Variants in NBEA observed in about 807,000 individuals in gnomAD.
NBEA encodes lysosomal-trafficking regulator 2.
Under a neutral mutation model 343.4 loss-of-function variants are expected in NBEA, and 44 were observed. The observed-to-expected ratio is 0.13, with a 90% CI of 0.10 to 0.16. The LOEUF (loss-of-function observed/expected upper bound fraction) is 0.16, where lower values mean the gene tolerates loss of function less well. Among genes scored for constraint, NBEA ranks in the 10% least tolerant of loss-of-function variants. The pLI is 1.00. For synonymous variants in NBEA, 1,175 were observed against 1,238.7 expected, an observed-to-expected ratio of 0.95 and a Z score of 1.08; for missense variants, 2,555 against 3,631.3, an observed-to-expected ratio of 0.70 and a Z score of 7.62.
chr13:35,027,059 G>A (rs1415802896), intron 1 of NBEA, among the ~76,000 whole-genome samples: 2 of 152,054 alleles, frequency 1.3e-5, no homozygotes, highest in Non-Finnish European at 2.9e-5. Flanking sequence ...ATTTATCCAG[G>A]TTGTTGTGTG....
At chr13:35,277,663 A>T (rs2034709429) in intron 34 of NBEA, among the ~76,000 whole-genome samples, 1 of 146,050 alleles carries the variant, frequency 6.8e-6, no homozygotes, top group Non-Finnish European at 1.5e-5. Flanking sequence ...GGGAAACAAC[A>T]TATGTATGCA....
chr13:35,286,245 T>C (rs1424229390), intron 34 of NBEA, among the ~76,000 whole-genome samples: 4 of 152,156 alleles, frequency 2.6e-5, no homozygotes, highest in African/African-American at 9.7e-5. Context: ...TGAATTGGGA[T>C]CTTATTCTAA....
chr13:35,310,367 G>A (rs959363186), intron 36 of NBEA, among the ~76,000 whole-genome samples: 20 of 152,180 alleles, frequency 1.3e-4, no homozygotes, highest in Admixed American at 1.2e-3. Flanking sequence ...GACTGAAACC[G>A]TTTTTATCCG....
intron 36 of NBEA, among the ~76,000 whole-genome samples, chr13:35,336,383 A>C (rs751383776): frequency 1.3e-5 from 2 of 152,118 alleles, no homozygotes; most frequent in Non-Finnish European, 1.5e-5. Flanking sequence ...TTTTTAAAAT[A>C]TGTTCCACTA....
At chr13:35,093,222 A>G (rs1213630459) in intron 10 of NBEA, among the ~76,000 whole-genome samples, 1 of 151,902 alleles carries the variant, frequency 6.6e-6, no homozygotes, top group Non-Finnish European at 1.5e-5. Flanking sequence ...AGCACAAGTG[A>G]ATTTTTTGGT....
chr13:35,583,422 C>T lies in NBEA; in HGVS notation c.7036-476C>T, dbSNP rs147117902. 3.3e-3 allele frequency among the ~76,000 whole-genome samples: 499 copies of T among 152,246 alleles called. 3 individuals are homozygous for T. Among genetic ancestry groups the T allele is most frequent in the Non-Finnish European group, 5.9e-3 (402 of 67,980 alleles). Reference sequence around the variant, plus strand: ...ATACTAACAGAATGAGACTAACATTCTATCAGGCTTCCATATGGAGGGTTG... The same window carrying T: ...ATACTAACAGAATGAGACTAACATTTTATCAGGCTTCCATATGGAGGGTTG... On this transcript the variant is annotated intron_variant, in intron 45 of 58. Transcript: ENST00000379939.
Position 35,025,498 on chromosome 13 carries a change from G to C in NBEA, c.295-15435G>C, listed in dbSNP as rs533467769. ...TTGTAGATGTGTGGCTTTATTTCTG[G>C]GTTGTCTAACCTGTTCCATTGGTCT... On this transcript the variant is annotated intron_variant, in intron 1 of 58. Coordinates refer to ENST00000379939, the MANE Select transcript of NBEA (RefSeq NM_001385012.1). Among the ~76,000 whole-genome samples the C allele has an allele frequency of 1.2e-4, 18 of 152,090 alleles. No individual in the cohort carries two copies. In the South Asian group the frequency reaches 3.7e-3, roughly 32 times the overall value.
intron 18 of NBEA, among the ~76,000 whole-genome samples, chr13:35,155,448 A>T (rs932804318): frequency 6.6e-6 from 1 of 151,900 alleles, no homozygotes; most frequent in Non-Finnish European, 1.5e-5. Context: ...ATATGGTGAA[A>T]CCCTGTCTCT....
intron 49 of NBEA, among the ~76,000 whole-genome samples, chr13:35,642,358 G>A (rs2084003564): frequency 1.3e-5 from 2 of 152,034 alleles, no homozygotes; most frequent in African/African-American, 4.8e-5. Context: ...ATAAAATAAT[G>A]GAGCTTCTAA....
intron 1 of NBEA, among the ~76,000 whole-genome samples, chr13:34,969,235 C>A (rs759503742): frequency 6.6e-6 from 1 of 151,790 alleles, no homozygotes; most frequent in Non-Finnish European, 1.5e-5. Flanking sequence ...ATTCTGAGAG[C>A]TGTCCAGTGA....
chr13:35,392,726 G>GT (rs1449677279), intron 38 of NBEA, among the ~76,000 whole-genome samples: 1 of 152,180 alleles, frequency 6.6e-6, no homozygotes, highest in Non-Finnish European at 1.5e-5. Flanking sequence ...CAAAGCTGCC[G>GT]TGAGACCTGG....
chr13:35,424,403 T>C (rs190668140), intron 38 of NBEA, among the ~76,000 whole-genome samples: 4 of 152,354 alleles, frequency 2.6e-5, no homozygotes, highest in South Asian at 2.1e-4. Flanking sequence ...TCTATTGAGA[T>C]AATCATTTGG....
At chr13:35,299,463 T>G (rs1052472992) in intron 35 of NBEA, among the ~76,000 whole-genome samples, 11 of 152,172 alleles carry the variant, frequency 7.2e-5, no homozygotes, top group South Asian at 2.1e-4. Flanking sequence ...CATAGGGATT[T>G]TATCGTCATC....
chr13:35,266,826 G>A (rs773589648), intron 34 of NBEA, among the ~76,000 whole-genome samples: 14 of 151,844 alleles, frequency 9.2e-5, no homozygotes, highest in South Asian at 6.2e-4. Flanking sequence ...CTCAGTGTTC[G>A]GGGTGCTGAC....
Position 35,567,014 on chromosome 13 carries a change from A to C in NBEA, c.7032A>C (p.Ser2344=). 6.3e-7 allele frequency: 1 copy of C among 1,577,040 alleles called. No individual in the cohort carries two copies. Among genetic ancestry groups the C allele is most frequent in the East Asian group, 2.2e-5 (1 of 44,580 alleles). ...LTLPGNFRDL[S]KPIGALNPKR... ...TTCCAGGAAACTTCAGGGATCTATC[A>C]AAGGTAACTTTTAAATATATAGAAG... Residue 2344 remains serine (S), a synonymous_variant, in exon 45 of 59, where the codon TCA becomes TCC. Transcript: ENST00000379939.
At chr13:35,651,059 CTG>C (rs1360108696) in intron 52 of NBEA, among the ~76,000 whole-genome samples, 2 of 152,170 alleles carry the variant, frequency 1.3e-5, no homozygotes, top group South Asian at 2.1e-4. Flanking sequence ...AAATATATGA[CTG>C]TATTATTCTC....
intron 47 of NBEA, among the ~76,000 whole-genome samples, chr13:35,604,133 A>G (rs1210934532): frequency 6.6e-6 from 1 of 152,166 alleles, no homozygotes; most frequent in Admixed American, 6.5e-5. Context: ...CAAACTCATG[A>G]TAGTCATTGC....
At chr13:35,460,259 T>G (rs1266590104) in intron 40 of NBEA, among the ~76,000 whole-genome samples, 1 of 152,216 alleles carries the variant, frequency 6.6e-6, no homozygotes, top group African/African-American at 2.4e-5. Flanking sequence ...CTCATCAAAA[T>G]GTTGTTTAGT....
At chr13:35,623,385 C>CT (rs2083080360) in intron 48 of NBEA, among the ~76,000 whole-genome samples, 1 of 152,064 alleles carries the variant, frequency 6.6e-6, no homozygotes, top group African/African-American at 2.4e-5. Flanking sequence ...ATGTTCCATT[C>CT]TTAGATATTC....
Sources: allele counts gnomAD v4.1 joint callset (sites outside exome capture counted in the v4.1 genomes callset), GRCh38; gene constraint gnomAD v4.1.1; transcripts MANE v1.5; gene names NCBI Gene and HGNC (gene_info 2026-07-23, HGNC 2026-07-21).